AKT3: variants seen among roughly 807,000 people sequenced by gnomAD.
The protein encoded by AKT3 is AKT serine/threonine kinase 3.
Under a neutral mutation model 65.3 loss-of-function variants are expected in AKT3, and 15 were observed. The observed-to-expected ratio is 0.23, with a 90% CI of 0.15 to 0.35. AKT3 has a LOEUF of 0.35. Among genes scored for constraint, AKT3 ranks in the 10% least tolerant of loss-of-function variants. The pLI is 1.00. For synonymous variants in AKT3, 206 were observed against 183.8 expected, an observed-to-expected ratio of 1.12 and a Z score of -0.98; for missense variants, 243 against 576.5, an observed-to-expected ratio of 0.42 and a Z score of 5.92.
At chr1:243,824,482 G>A (rs1694042307) in intron 2 of AKT3, among the ~76,000 whole-genome samples, 1 of 151,794 alleles carries the variant, frequency 6.6e-6, no homozygotes, top group Non-Finnish European at 1.5e-5. Context: ...CAATGTACAG[G>A]GAGAAAATTT....
At chr1:243,703,760 CAAAAAAAAAAAAAAAAAAGAA>C in intron 2 of AKT3, among the ~76,000 whole-genome samples, 1 of 78,406 alleles carries the variant, frequency 1.3e-5, no homozygotes, top group East Asian at 4.5e-4. Flanking sequence ...GACTCCATCT[CAAAAAAAAAAAAAAAAAAGAA>C]AAAGAAAAAT....
chr1:243,793,843 T>A (rs1470210841), intron 2 of AKT3, among the ~76,000 whole-genome samples: 1 of 151,594 alleles, frequency 6.6e-6, no homozygotes, highest in Non-Finnish European at 1.5e-5. Context: ...GGAGCTCGAC[T>A]GAGTAGCTCA....
intron 12 of AKT3, among the ~76,000 whole-genome samples, chr1:243,536,403 AT>A: frequency 6.6e-6 from 1 of 152,234 alleles, no homozygotes; most frequent in African/African-American, 2.4e-5. Context: ...TAATTCTTGC[AT>A]TTTTAATAGT....
intron 2 of AKT3, among the ~76,000 whole-genome samples, chr1:243,840,402 G>A (rs1695169554): frequency 6.6e-6 from 1 of 151,656 alleles, no homozygotes; most frequent in Non-Finnish European, 1.5e-5. Context: ...TGCATGGGGG[G>A]CTTAAAACCT....
intron 8 of AKT3, among the ~76,000 whole-genome samples, chr1:243,611,773 G>A (rs1240951094): frequency 6.6e-6 from 1 of 151,778 alleles, no homozygotes; most frequent in Non-Finnish European, 1.5e-5. Flanking sequence ...GCCCAGTTCT[G>A]TATTCCTGGG....
intron 5 of AKT3, among the ~76,000 whole-genome samples, chr1:243,638,245 G>A (rs942353252): frequency 1.3e-5 from 2 of 152,088 alleles, no homozygotes; most frequent in Non-Finnish European, 2.9e-5. Flanking sequence ...CGAGAACCTC[G>A]TATACTTCAG....
intron 2 of AKT3, among the ~76,000 whole-genome samples, chr1:243,720,506 A>G (rs1045816610): frequency 1.3e-5 from 2 of 151,594 alleles, no homozygotes; most frequent in Non-Finnish European, 2.9e-5. Context: ...TAAGTATAAT[A>G]TAATCTTCAT....
intron 2 of AKT3, among the ~76,000 whole-genome samples, chr1:243,782,452 G>C (rs914449330): frequency 2.0e-5 from 3 of 152,138 alleles, no homozygotes; most frequent in Non-Finnish European, 4.4e-5. Context: ...TCCTCATACA[G>C]AAGAAGAAGC....
At chr1:243,812,007 A>T (rs1287648049) in intron 2 of AKT3, among the ~76,000 whole-genome samples, 1 of 152,200 alleles carries the variant, frequency 6.6e-6, no homozygotes, top group Non-Finnish European at 1.5e-5. Flanking sequence ...CTTACATCTT[A>T]TACAAAAATT....
At chr1:243,644,533 G>T (rs902332269) in intron 5 of AKT3, among the ~76,000 whole-genome samples, 1 of 146,616 alleles carries the variant, frequency 6.8e-6, no homozygotes, top group Admixed American at 6.8e-5. Flanking sequence ...AGTTCAAAAT[G>T]AAAAAAAAAA....
intron 2 of AKT3, among the ~76,000 whole-genome samples, chr1:243,711,889 G>A (rs1686181306): frequency 6.6e-6 from 1 of 152,048 alleles, no homozygotes; most frequent in Admixed American, 6.6e-5. Context: ...ATGTATACTT[G>A]CCTGTACTAC....
intron 2 of AKT3, among the ~76,000 whole-genome samples, chr1:243,759,301 C>T (rs1052537466): frequency 4.0e-5 from 6 of 151,446 alleles, no homozygotes; most frequent in African/African-American, 1.5e-4. Context: ...GCCTGAGCAA[C>T]AGAGTAAAAC....
intron 10 of AKT3, among the ~76,000 whole-genome samples, chr1:243,559,197 G>A (rs1673601985): frequency 6.6e-6 from 1 of 152,064 alleles, no homozygotes; most frequent in African/African-American, 2.4e-5. Context: ...TCCTTCGAAT[G>A]TACAAAAGAG....
chr1:243,577,072 CAAATATCTACA>C (rs2148516027), intron 8 of AKT3, among the ~76,000 whole-genome samples: 1 of 152,198 alleles, frequency 6.6e-6, no homozygotes, highest in East Asian at 1.9e-4. Flanking sequence ...GAAATAAGAC[CAAATATCTACA>C]ACTATTTGAT....
chr1:243,659,801 AAT>A (rs1311952051), intron 4 of AKT3, among the ~76,000 whole-genome samples: 1 of 152,238 alleles, frequency 6.6e-6, no homozygotes, highest in African/African-American at 2.4e-5. Flanking sequence ...GAATATTAAA[AAT>A]AGAGAGTTTT....
At chr1:243,555,674 G>C (rs1253334930) in intron 10 of AKT3, among the ~76,000 whole-genome samples, 1 of 152,112 alleles carries the variant, frequency 6.6e-6, no homozygotes, top group African/African-American at 2.4e-5. Flanking sequence ...AGGGCTGGCT[G>C]AAAGGTATGA....
intron 12 of AKT3, among the ~76,000 whole-genome samples, chr1:243,530,485 G>T (rs991287786): frequency 2.0e-5 from 3 of 152,106 alleles, no homozygotes; most frequent in African/African-American, 7.2e-5. Flanking sequence ...TGAGAACAAA[G>T]ATACAACATA....
intron 5 of AKT3, 145 bp from the exon 6 acceptor site, chr1:243,637,887 A>C (rs1431312442): frequency 5.9e-6 from 3 of 510,642 alleles, no homozygotes; most frequent in Admixed American, 3.9e-5. Flanking sequence ...TCAGACTGGC[A>C]TTGGCTGTCT....
At chr1:243,613,623 A>T (rs375476596) in intron 8 of AKT3, 48 bp downstream of exon 8, 3 of 1,370,676 alleles carry the variant, frequency 2.2e-6, no homozygotes, top group Admixed American at 2.2e-5. Context: ...TGTTTTTAAA[A>T]TAATGAAAAT....
Sources: gnomAD v4.1 joint callset for allele counts (sites outside exome capture counted in the v4.1 genomes callset) on GRCh38, gnomAD v4.1.1 for gene constraint, MANE v1.5 for transcripts, NCBI Gene and HGNC (gene_info 2026-07-23, HGNC 2026-07-21) for gene names.